COL26A1: variants seen among roughly 807,000 people sequenced by gnomAD.
The protein encoded by COL26A1 is collagen type XXVI alpha 1 chain, also known as collagen alpha-1(XXVI) chain.
In COL26A1, 41 loss-of-function variants were observed where a neutral mutation model predicts 59.3. That is an observed-to-expected ratio of 0.69 (90% CI 0.54 to 0.90). The LOEUF (loss-of-function observed/expected upper bound fraction) is 0.90, where lower values mean the gene tolerates loss of function less well. Ranked by LOEUF, COL26A1 falls within the 40% of genes least tolerant of loss-of-function variation. The pLI is 0.00. For missense variants in COL26A1, 612 were observed against 602.3 expected (o/e 1.02, Z -0.17); for synonymous variants, 266 against 256.0 (o/e 1.04, Z -0.37).
intron 2 of COL26A1, among the ~76,000 whole-genome samples, chr7:101,445,365 G>C (rs1001066843): frequency 1.3e-5 from 2 of 151,988 alleles, no homozygotes; most frequent in African/African-American, 4.8e-5. Flanking sequence ...TACAAGCATG[G>C]TGCCGGCATC....
chr7:101,529,819 TC>T (rs1795326963), intron 3 of COL26A1, among the ~76,000 whole-genome samples: 1 of 152,172 alleles, frequency 6.6e-6, no homozygotes, highest in Non-Finnish European at 1.5e-5. Context: ...CTTTATCCAA[TC>T]CACCATTGGT....
chr7:101,427,597 G>A (rs1443772471), intron 2 of COL26A1, among the ~76,000 whole-genome samples: 1 of 151,758 alleles, frequency 6.6e-6, no homozygotes, highest in Admixed American at 6.6e-5. Context: ...AGGAGGCGGA[G>A]ATTGCAGTAA....
intron 3 of COL26A1, among the ~76,000 whole-genome samples, chr7:101,530,566 TAAA>T (rs558473831): frequency 1.8e-4 from 16 of 90,220 alleles, no homozygotes; most frequent in African/African-American, 4.3e-4. Flanking sequence ...ACTCTGTCTT[TAAA>T]AAAAAAAAAA....
At chr7:101,553,622 C>T (rs1308149341) in intron 11 of COL26A1, among the ~76,000 whole-genome samples, 1 of 152,072 alleles carries the variant, frequency 6.6e-6, no homozygotes, top group Non-Finnish European at 1.5e-5. Flanking sequence ...GGGTGATTGG[C>T]CCTTGGGGGG....
chr7:101,393,684 T>C (rs1319123987), intron 1 of COL26A1, among the ~76,000 whole-genome samples: 1 of 152,172 alleles, frequency 6.6e-6, no homozygotes, highest in Admixed American at 6.6e-5. Context: ...TGACCTCAGA[T>C]GATCCACCTA....
intron 3 of COL26A1, among the ~76,000 whole-genome samples, chr7:101,489,810 CTTTCTTTCTTTCTTTCT>C (rs1794387944): frequency 2.8e-4 from 1 of 3,526 alleles, no homozygotes; most frequent in Admixed American, 2.9e-3. Flanking sequence ...TTCTTTCTTT[CTTTCTTTCTTTCTTTCT>C]TTCTTTCTTT....
intron 3 of COL26A1, among the ~76,000 whole-genome samples, chr7:101,523,511 T>G (rs1452938737): frequency 6.6e-6 from 1 of 152,220 alleles, no homozygotes; most frequent in African/African-American, 2.4e-5. Context: ...TTTTTTACCC[T>G]TTATGTTTAG....
intron 3 of COL26A1, among the ~76,000 whole-genome samples, chr7:101,465,702 A>G (rs995866331): frequency 8.6e-5 from 13 of 151,708 alleles, no homozygotes; most frequent in Non-Finnish European, 1.8e-4. Flanking sequence ...AAAAAAAAAA[A>G]AAAAAAAAAA....
intron 8 of COL26A1, 40 bp from the exon 9 acceptor site, chr7:101,549,131 C>G: frequency 7.6e-7 from 1 of 1,308,890 alleles, no homozygotes; most frequent in Non-Finnish European, 1.1e-6. Flanking sequence ...GGGGCGCCCC[C>G]TCTCTGGCCC....
In COL26A1 at chr7:101,378,547, A is replaced by G. The variant is rs555405965; in HGVS notation, c.158+15357A>G. ...AAACAAAAAAAATTTTTTTTTGTAC[A>G]GACAGTGTTTCCCTATGTCACCCAG... is the stretch of plus-strand genomic sequence containing the variant. On this transcript the variant is annotated intron_variant, in intron 1 of 12. Coordinates refer to ENST00000313669, the MANE Select transcript of COL26A1 (RefSeq NM_001278563.3). Among the ~76,000 whole-genome samples, 9 of 152,098 alleles carry G rather than the reference A, an allele frequency of 5.9e-5. No homozygotes were observed. The South Asian group carries it at 1.7e-3, about 28-fold the overall frequency.
chr7:101,386,714 C>T (rs113626217), intron 1 of COL26A1, among the ~76,000 whole-genome samples: 1 of 152,184 alleles, frequency 6.6e-6, no homozygotes, highest in Non-Finnish European at 1.5e-5. Flanking sequence ...GTCCAACTCA[C>T]GCAGGAGCTC....
At chr7:101,494,884 T>A (rs1794548253) in intron 3 of COL26A1, among the ~76,000 whole-genome samples, 1 of 152,142 alleles carries the variant, frequency 6.6e-6, no homozygotes, top group Non-Finnish European at 1.5e-5. Context: ...TCTGAATCAG[T>A]GTCTGAATGT....
chr7:101,504,941 G>A (rs1421216898), intron 3 of COL26A1, among the ~76,000 whole-genome samples: 1 of 152,180 alleles, frequency 6.6e-6, no homozygotes, highest in East Asian at 1.9e-4. Context: ...ATCCCTTGAG[G>A]TCAGGAGTTC....
At chr7:101,385,337 GTATATA>G (rs757870255) in intron 1 of COL26A1, among the ~76,000 whole-genome samples, 1 of 139,846 alleles carries the variant, frequency 7.2e-6, no homozygotes, top group Admixed American at 7.2e-5. Flanking sequence ...CACTAAATAT[GTATATA>G]TATATATGTG....
At chr7:101,365,786 A>G (rs570654048) in intron 1 of COL26A1, among the ~76,000 whole-genome samples, 1 of 149,896 alleles carries the variant, frequency 6.7e-6, no homozygotes, top group Admixed American at 6.7e-5. Context: ...GCGTATATTC[A>G]TGTAATACTT....
chr7:101,550,750 C>T (rs996430402), intron 9 of COL26A1, among the ~76,000 whole-genome samples: 33 of 152,122 alleles, frequency 2.2e-4, no homozygotes, highest in Middle Eastern at 3.2e-3. Flanking sequence ...TCCCGGGAGC[C>T]GTCTGGGCTG....
intron 2 of COL26A1, among the ~76,000 whole-genome samples, chr7:101,432,889 A>G (rs558170605): frequency 3.9e-5 from 6 of 151,940 alleles, no homozygotes; most frequent in Non-Finnish European, 8.8e-5. Context: ...TTTAGTAGAG[A>G]CAGGGTTTCG....
intron 3 of COL26A1, among the ~76,000 whole-genome samples, chr7:101,493,890 G>C (rs1426942426): frequency 2.0e-5 from 3 of 149,966 alleles, no homozygotes; most frequent in Non-Finnish European, 3.0e-5. Flanking sequence ...CTGAGATCGT[G>C]CCTCTGCACT....
chr7:101,551,006 T>G, intron 9 of COL26A1, 102 bp from the exon 10 acceptor site: 1 of 1,318,454 alleles, frequency 7.6e-7, no homozygotes, highest in Non-Finnish European at 1.1e-6. Flanking sequence ...CTTCCTCTTC[T>G]GCAGACTCAG....
Sources: gnomAD v4.1 joint callset for allele counts (sites outside exome capture counted in the v4.1 genomes callset) on GRCh38, gnomAD v4.1.1 for gene constraint, MANE v1.5 for transcripts, NCBI Gene and HGNC (gene_info 2026-07-23, HGNC 2026-07-21) for gene names.